The following SEMA3D variants were observed in gnomAD, a reference collection of about 807,000 sequenced individuals.
The protein encoded by SEMA3D is semaphorin-3D.
A neutral mutation model predicts 100.1 loss-of-function variants in SEMA3D; 84 were observed. That is an observed-to-expected ratio of 0.84 (90% confidence interval 0.70 to 1.01). SEMA3D has a LOEUF of 1.01. SEMA3D is among the 50% of genes least tolerant of loss of function. The pLI is 0.00. For synonymous variants in SEMA3D, 312 were observed against 320.7 expected (o/e 0.97, Z 0.29); for missense variants, 875 against 934.1 (o/e 0.94, Z 0.82).
chr7:85,200,818 G>T, the SEMA3D span, among the ~76,000 whole-genome samples: 1 of 152,204 alleles, frequency 6.6e-6, no homozygotes, highest in Non-Finnish European at 1.5e-5. Flanking sequence ...GCCAGGCCCA[G>T]TGTCTCCATG....
chr7:85,054,474 C>A (rs1309152258), intron 9 of SEMA3D, among the ~76,000 whole-genome samples: 1 of 152,046 alleles, frequency 6.6e-6, no homozygotes, highest in Non-Finnish European at 1.5e-5. Context: ...ACTGTGAATT[C>A]TTAGAGTCTG....
intron 12 of SEMA3D, among the ~76,000 whole-genome samples, chr7:85,031,357 T>C (rs1000788972): frequency 1.3e-5 from 2 of 152,124 alleles, no homozygotes; most frequent in African/African-American, 4.8e-5. Flanking sequence ...ATATGGCTTT[T>C]AGTAAAGGTT....
chr7:85,086,129 A>C (rs1333366609), intron 4 of SEMA3D, among the ~76,000 whole-genome samples: 2 of 152,210 alleles, frequency 1.3e-5, no homozygotes, highest in Non-Finnish European at 2.9e-5. Context: ...TTATTTTGAC[A>C]CAATGCTGCC....
intron 2 of SEMA3D, chr7:85,143,352 A>C (rs1790109421): frequency 3.4e-6 from 1 of 290,612 alleles, no homozygotes; most frequent in South Asian, 1.4e-4. Context: ...ATTTGTCATT[A>C]GGTGATTTCA....
intron 1 of SEMA3D, among the ~76,000 whole-genome samples, chr7:85,184,481 TTA>T (rs1468626221): frequency 6.6e-6 from 1 of 152,054 alleles, no homozygotes; most frequent in Non-Finnish European, 1.5e-5. Context: ...TTATAAATCT[TTA>T]TGTCTTTGTT....
chr7:85,048,390 A>G (rs1431962537), intron 9 of SEMA3D, among the ~76,000 whole-genome samples: 2 of 151,792 alleles, frequency 1.3e-5, no homozygotes, highest in Non-Finnish European at 2.9e-5. Context: ...AGGACAATCC[A>G]AACTCAGGGT....
intron 6 of SEMA3D, among the ~76,000 whole-genome samples, chr7:85,068,574 C>T (rs951686273): frequency 2.0e-5 from 3 of 152,180 alleles, no homozygotes; most frequent in Non-Finnish European, 1.5e-5. Context: ...TTATCAATAT[C>T]GAAATCACCA....
rs574322184 is a variant in SEMA3D at position 85,098,480 on chromosome 7, C to A, written c.152-515G>T. 2.6e-5 allele frequency among the ~76,000 whole-genome samples: 4 copies of A among 151,808 alleles called. No homozygotes were observed. The South Asian group carries it at 6.2e-4, about 24-fold the overall frequency. On this transcript the variant is annotated intron_variant, in intron 3 of 18. Transcript: ENST00000284136. ...AAAGTAAACATCAAATCAAGTGTATCATAAATCTCTTAGCATTTTTTTCTA... is the reference window on the plus strand; with the variant it reads ...AAAGTAAACATCAAATCAAGTGTATAATAAATCTCTTAGCATTTTTTTCTA...
At chr7:85,162,720 T>C (rs999517351) in intron 1 of SEMA3D, among the ~76,000 whole-genome samples, 3 of 152,106 alleles carry the variant, frequency 2.0e-5, no homozygotes, top group Admixed American at 1.3e-4. Context: ...GGAAAAAGAC[T>C]GGAAGCTCTG....
At chr7:85,204,615 A>T in the SEMA3D span, among the ~76,000 whole-genome samples, 22 of 152,174 alleles carry the variant, frequency 1.4e-4, no homozygotes, top group East Asian at 4.1e-3. Flanking sequence ...CATATTGTTG[A>T]TTACTATGTT....
chr7:85,030,578 T>C (rs1790520204), intron 12 of SEMA3D, among the ~76,000 whole-genome samples: 3 of 152,052 alleles, frequency 2.0e-5, no homozygotes, highest in African/African-American at 7.2e-5. Context: ...CATTTTATAT[T>C]TGAACTTCAA....
chr7:85,016,520 G>C (rs1790107420), intron 15 of SEMA3D, among the ~76,000 whole-genome samples: 1 of 151,378 alleles, frequency 6.6e-6, no homozygotes, highest in South Asian at 2.1e-4. Context: ...CTCTCATACA[G>C]AATTTTCTAA....
chr7:85,073,305 C>G (rs1488412036), intron 5 of SEMA3D, among the ~76,000 whole-genome samples: 1 of 152,032 alleles, frequency 6.6e-6, no homozygotes, highest in Non-Finnish European at 1.5e-5. Flanking sequence ...GTTATAAAAC[C>G]ATTGAACTAA....
the SEMA3D span, among the ~76,000 whole-genome samples, chr7:85,209,252 A>G: frequency 6.6e-6 from 1 of 151,950 alleles, no homozygotes. Flanking sequence ...ATATATATAC[A>G]TATGTATGTG....
At chr7:85,203,624 A>G in the SEMA3D span, among the ~76,000 whole-genome samples, 1 of 152,160 alleles carries the variant, frequency 6.6e-6, no homozygotes, top group Admixed American at 6.5e-5. Context: ...GCAACTCCTG[A>G]TGTGAGAATG....
the SEMA3D span, among the ~76,000 whole-genome samples, chr7:85,244,715 T>C: frequency 6.7e-6 from 1 of 149,746 alleles, no homozygotes; most frequent in Non-Finnish European, 1.5e-5. Context: ...AATCTTTTTT[T>C]TTTTTTTTTT....
rs539960484 is a variant in SEMA3D, at chr7:85,099,127, T to A, written c.152-1162A>T. 7.9e-5 allele frequency among the ~76,000 whole-genome samples: 12 copies of A among 152,110 alleles called. No homozygotes were observed. In the South Asian group the frequency reaches 2.5e-3, roughly 32 times the overall value. ...TTGGCAAGTATGAATAAAGCAGCCA[T>A]AAACACCTGTGTGGAGGTTTTTGTG... On this transcript the variant is annotated intron_variant, in intron 3 of 18. Transcript: ENST00000284136.
At chr7:85,133,247 A>G (rs1401513688) in intron 2 of SEMA3D, among the ~76,000 whole-genome samples, 4 of 152,048 alleles carry the variant, frequency 2.6e-5, no homozygotes, top group East Asian at 1.9e-4. Context: ...TAGTAGTATC[A>G]GTTTCTGAGC....
chr7:85,079,560 G>C (rs1787994114), intron 5 of SEMA3D, among the ~76,000 whole-genome samples: 1 of 152,136 alleles, frequency 6.6e-6, no homozygotes, highest in Non-Finnish European at 1.5e-5. Context: ...ATCACCATTT[G>C]CTTTAACTTA....
Sources: allele counts gnomAD v4.1 joint callset (sites outside exome capture counted in the v4.1 genomes callset), GRCh38; gene constraint gnomAD v4.1.1; transcripts MANE v1.5; gene names NCBI Gene and HGNC (gene_info 2026-07-23, HGNC 2026-07-21).